Variants in POU6F2 observed in about 807,000 individuals in gnomAD.
POU6F2 encodes the protein POU domain, class 6, transcription factor 2.
Under a neutral mutation model 71.3 loss-of-function variants are expected in POU6F2, and 31 were observed. That is an observed-to-expected ratio of 0.43 (90% CI 0.33 to 0.59). The LOEUF (loss-of-function observed/expected upper bound fraction) is 0.59, where lower values mean the gene tolerates loss of function less well. POU6F2 is among the 20% of genes least tolerant of loss of function. POU6F2 has a pLI of 0.04. For missense variants in POU6F2, 783 were observed against 856.8 expected, an observed-to-expected ratio of 0.91 and a Z score of 1.07; for synonymous variants, 347 against 355.7, an observed-to-expected ratio of 0.98 and a Z score of 0.27.
At chr7:39,309,532 T>C (rs1785117340) in intron 4 of POU6F2, among the ~76,000 whole-genome samples, 1 of 152,166 alleles carries the variant, frequency 6.6e-6, no homozygotes, top group Non-Finnish European at 1.5e-5. Flanking sequence ...AAGAAGGAGA[T>C]TGCTAGCTCT....
chr7:39,412,842 C>G (rs1015758845), intron 6 of POU6F2, among the ~76,000 whole-genome samples: 4 of 105,646 alleles, frequency 3.8e-5, no homozygotes, highest in Non-Finnish European at 7.0e-5. Flanking sequence ...TGCTTCTTGC[C>G]CAGGCTGGAG....
chr7:39,255,597 T>C (rs1003594780), intron 4 of POU6F2, among the ~76,000 whole-genome samples: 1 of 152,170 alleles, frequency 6.6e-6, no homozygotes, highest in Non-Finnish European at 1.5e-5. Context: ...CTTTGGAAAG[T>C]ATAAAGGTTT....
chr7:39,290,708 T>A (rs1324165357), intron 4 of POU6F2, among the ~76,000 whole-genome samples: 1 of 152,176 alleles, frequency 6.6e-6, no homozygotes, highest in Admixed American at 6.5e-5. Flanking sequence ...ATGCCCTCTC[T>A]TTGCAACCTC....
At chr7:39,453,836 T>C (rs1164207412) in intron 8 of POU6F2, among the ~76,000 whole-genome samples, 1 of 152,298 alleles carries the variant, frequency 6.6e-6, no homozygotes, top group South Asian at 2.1e-4. Context: ...TTTTACCACA[T>C]GCAATTGAAG....
At chr7:39,372,095 A>AT in intron 5 of POU6F2, among the ~76,000 whole-genome samples, 1 of 152,114 alleles carries the variant, frequency 6.6e-6, no homozygotes, top group South Asian at 2.1e-4. Flanking sequence ...ATTTTTTAAA[A>AT]TTTTTTGTAG....
At chr7:39,212,053 T>C (rs1030554867) in intron 4 of POU6F2, among the ~76,000 whole-genome samples, 2 of 152,174 alleles carry the variant, frequency 1.3e-5, no homozygotes, top group African/African-American at 2.4e-5. Flanking sequence ...AAGAGAGAAA[T>C]TACCATGAGG....
At chr7:39,359,891 T>C (rs1786339880) in intron 5 of POU6F2, among the ~76,000 whole-genome samples, 1 of 152,142 alleles carries the variant, frequency 6.6e-6, no homozygotes, top group Non-Finnish European at 1.5e-5. Context: ...ATTTGTATAA[T>C]TAAAGACTAA....
intron 4 of POU6F2, among the ~76,000 whole-genome samples, chr7:39,312,374 G>C (rs575739316): frequency 2.0e-5 from 3 of 152,266 alleles, no homozygotes; most frequent in South Asian, 4.1e-4. Flanking sequence ...ATAGTAAGCT[G>C]GTCTCCAGCT....
intron 3 of POU6F2, among the ~76,000 whole-genome samples, chr7:39,205,271 A>G (rs1793986849): frequency 6.6e-6 from 1 of 152,092 alleles, no homozygotes; most frequent in African/African-American, 2.4e-5. Context: ...CATACGCTTT[A>G]TAATTTTATG....
chr7:39,245,306 A>G (rs185739137), intron 4 of POU6F2, among the ~76,000 whole-genome samples: 45 of 152,312 alleles, frequency 3.0e-4, no homozygotes, highest in African/African-American at 6.5e-4. Context: ...TTTCATAAGT[A>G]CTGACTAGTT....
chr7:39,255,883 G>A (rs1036728333), intron 4 of POU6F2, among the ~76,000 whole-genome samples: 1 of 152,154 alleles, frequency 6.6e-6, no homozygotes, highest in Admixed American at 6.5e-5. Flanking sequence ...TCCTCCAGGT[G>A]AGCAACTGTA....
intron 4 of POU6F2, among the ~76,000 whole-genome samples, chr7:39,318,020 G>GT (rs1280443013): frequency 6.6e-6 from 1 of 152,018 alleles, no homozygotes; most frequent in Non-Finnish European, 1.5e-5. Flanking sequence ...AGTAGGAAAC[G>GT]TTTTTTGCTT....
At chr7:39,129,650 T>C (rs1347131486) in intron 2 of POU6F2, among the ~76,000 whole-genome samples, 2 of 152,050 alleles carry the variant, frequency 1.3e-5, no homozygotes, top group Non-Finnish European at 2.9e-5. Context: ...GATAGATAGA[T>C]AGATAGATAG....
chr7:39,302,815 G>T (rs1315020524), intron 4 of POU6F2, among the ~76,000 whole-genome samples: 1 of 152,220 alleles, frequency 6.6e-6, no homozygotes, highest in Non-Finnish European at 1.5e-5. Context: ...CACACAGTAG[G>T]CATACAACAA....
chr7:39,006,866 A>T (rs780578786), intron 1 of POU6F2: 1 of 1,613,528 alleles, frequency 6.2e-7, no homozygotes, highest in Non-Finnish European at 8.5e-7. Flanking sequence ...GCTCTTCTTC[A>T]GGTATTTTGT....
At chr7:39,392,271 T>G (rs1240073408) in intron 5 of POU6F2, among the ~76,000 whole-genome samples, 1 of 152,206 alleles carries the variant, frequency 6.6e-6, no homozygotes, top group Admixed American at 6.5e-5. Flanking sequence ...TAGCATCACC[T>G]AAAGAGTTAT....
intron 2 of POU6F2, among the ~76,000 whole-genome samples, chr7:39,179,039 T>C (rs931435351): frequency 6.6e-6 from 1 of 152,210 alleles, no homozygotes; most frequent in African/African-American, 2.4e-5. Context: ...TGGAAGCCTG[T>C]GTTTCAAGGA....
At chr7:39,015,162 TTTATTTCCTCTTTTAAAAA>T (rs1405741049) in intron 1 of POU6F2, among the ~76,000 whole-genome samples, 1 of 150,278 alleles carries the variant, frequency 6.7e-6, no homozygotes, top group Non-Finnish European at 1.5e-5. Context: ...ATTCTTAGAA[TTTATTTCCTCTTTTAAAAA>T]AAGATGGCTA....
At chr7:39,262,360 G>T (rs953077508) in intron 4 of POU6F2, among the ~76,000 whole-genome samples, 2 of 152,170 alleles carry the variant, frequency 1.3e-5, no homozygotes, top group African/African-American at 2.4e-5. Context: ...AGCGGCTGGA[G>T]ATCCTGACAA....
Sources: allele counts gnomAD v4.1 joint callset (sites outside exome capture counted in the v4.1 genomes callset), GRCh38; gene constraint gnomAD v4.1.1; transcripts MANE v1.5; gene names NCBI Gene and HGNC (gene_info 2026-07-23, HGNC 2026-07-21).